Variants in MECOM observed in about 807,000 individuals in gnomAD.
MECOM encodes the protein histone-lysine N-methyltransferase MECOM.
In MECOM, 13 loss-of-function variants were observed where a neutral mutation model predicts 116.3. The ratio of observed to expected loss-of-function variants is 0.11; its 90% confidence interval spans 0.07 to 0.18. The LOEUF (loss-of-function observed/expected upper bound fraction) is 0.18, where lower values mean the gene tolerates loss of function less well. Ranked by LOEUF, MECOM falls within the 10% of genes least tolerant of loss-of-function variation. The pLI is 1.00. For missense variants in MECOM, 1,299 were observed against 1,509.0 expected (o/e 0.86, Z 2.31); for synonymous variants, 528 against 535.2 (o/e 0.99, Z 0.19).
At chr3:169,331,008 T>C (rs1722624136) in intron 2 of MECOM, among the ~76,000 whole-genome samples, 1 of 152,108 alleles carries the variant, frequency 6.6e-6, no homozygotes. Flanking sequence ...ATGATGTTGA[T>C]TATTATGCCA....
chr3:169,398,265 A>G (rs1388321040), intron 1 of MECOM, among the ~76,000 whole-genome samples: 1 of 152,208 alleles, frequency 6.6e-6, no homozygotes, highest in Non-Finnish European at 1.5e-5. Flanking sequence ...CACGAACATT[A>G]GTGCTCTCTC....
At position 169,090,010 on chromosome 3, in the gene MECOM, A is replaced by T; in HGVS notation, c.3391T>A (p.Ser1131Thr). The change falls in exon 15 of 17, where the codon TCC (serine) becomes ACC (threonine). Residue 1131 changes from serine (S) to threonine (T), a missense_variant. By Grantham distance (58) the Ser-to-Thr change is moderately conservative. Transcript: ENST00000651503. ...TSALEMSCKT[S>T]PVRYKEEEYK... The stretch of plus-strand genomic sequence containing the variant: ...ACCCAAGGTACTCACCTCACTGGGG[A>T]TGTCTTGCAACTCATCTCCAGGGCA... 6.2e-7 allele frequency: 1 copy of T among 1,613,148 alleles called. No homozygotes were observed. The highest frequency in any genetic ancestry group is 8.5e-7 in the Non-Finnish European group (1 of 1,179,482).
intron 2 of MECOM, among the ~76,000 whole-genome samples, chr3:169,342,078 G>A (rs942784924): frequency 1.3e-5 from 2 of 151,904 alleles, no homozygotes; most frequent in African/African-American, 2.4e-5. Flanking sequence ...GTATAAGTAT[G>A]TTCTGTATAT....
At chr3:169,228,890 T>A (rs955808683) in intron 2 of MECOM, among the ~76,000 whole-genome samples, 1 of 152,208 alleles carries the variant, frequency 6.6e-6, no homozygotes, top group Admixed American at 6.5e-5. Context: ...AAATCCCAAA[T>A]TGGGCCACTC....
At chr3:169,178,264 G>GAATGTA (rs1745468394) in intron 2 of MECOM, among the ~76,000 whole-genome samples, 1 of 152,210 alleles carries the variant, frequency 6.6e-6, no homozygotes, top group Admixed American at 6.5e-5. Context: ...ATTTGCAGGA[G>GAATGTA]CCAGATGATG....
At chr3:169,437,187 C>A (rs906719773) in intron 1 of MECOM, among the ~76,000 whole-genome samples, 4 of 152,300 alleles carry the variant, frequency 2.6e-5, no homozygotes, top group Admixed American at 2.6e-4. Context: ...AACTAATATT[C>A]TCCACTGTCA....
intron 2 of MECOM, among the ~76,000 whole-genome samples, chr3:169,312,510 A>T (rs1308684869): frequency 2.0e-5 from 3 of 151,774 alleles, no homozygotes. Flanking sequence ...CTGGGACCAC[A>T]GGTGCCCGCC....
chr3:169,299,828 A>T (rs1013825255), intron 2 of MECOM, among the ~76,000 whole-genome samples: 1 of 152,222 alleles, frequency 6.6e-6, no homozygotes, highest in Admixed American at 6.5e-5. Flanking sequence ...CCCCACAAAG[A>T]AATCAAATAT....
At chr3:169,481,765 T>C (rs1296349551) in intron 1 of MECOM, among the ~76,000 whole-genome samples, 3 of 152,124 alleles carry the variant, frequency 2.0e-5, no homozygotes, top group Non-Finnish European at 4.4e-5. Flanking sequence ...AAAAAGAGAA[T>C]GAACATTACT....
chr3:169,349,616 A>G (rs1324514826), intron 2 of MECOM, among the ~76,000 whole-genome samples: 1 of 151,972 alleles, frequency 6.6e-6, no homozygotes, highest in Non-Finnish European at 1.5e-5. Flanking sequence ...AGGTTCAATA[A>G]CCATCAGCTG....
At chr3:169,484,171 A>G (rs187351450) in intron 1 of MECOM, 7 of 638,452 alleles carry the variant, frequency 1.1e-5, no homozygotes, top group African/African-American at 1.1e-4. Flanking sequence ...GCTTTGCCCA[A>G]TCCCATTACT....
At chr3:169,662,646 A>C (rs1358359935) in intron 1 of MECOM, among the ~76,000 whole-genome samples, 7 of 121,544 alleles carry the variant, frequency 5.8e-5, no homozygotes, top group Non-Finnish European at 1.1e-4. Flanking sequence ...CCCGCCGCGC[A>C]GCGCCGCGCC....
At chr3:169,178,909 G>C (rs1303626872) in intron 2 of MECOM, among the ~76,000 whole-genome samples, 1 of 152,144 alleles carries the variant, frequency 6.6e-6, no homozygotes, top group Non-Finnish European at 1.5e-5. Context: ...AGTTTTCACA[G>C]AACATTCAGA....
intron 1 of MECOM, among the ~76,000 whole-genome samples, chr3:169,468,309 A>G (rs1748644776): frequency 6.6e-6 from 1 of 151,632 alleles, no homozygotes; most frequent in Non-Finnish European, 1.5e-5. Flanking sequence ...TATTTTTCTA[A>G]CTCTTCATAC....
At chr3:169,087,870 G>A (rs950629491) in intron 16 of MECOM, among the ~76,000 whole-genome samples, 1 of 152,144 alleles carries the variant, frequency 6.6e-6, no homozygotes, top group African/African-American at 2.4e-5. Context: ...ATGTTCTTAA[G>A]TTCATGGAGG....
chr3:169,206,977 T>C (rs1750017628), intron 2 of MECOM, among the ~76,000 whole-genome samples: 1 of 152,126 alleles, frequency 6.6e-6, no homozygotes, highest in African/African-American at 2.4e-5. Context: ...TTAATAAAAA[T>C]GACTTTAAAA....
intron 13 of MECOM, 129 bp downstream of exon 13, chr3:169,094,947 G>T: frequency 1.3e-6 from 1 of 767,622 alleles, no homozygotes; most frequent in Non-Finnish European, 1.9e-6. Flanking sequence ...AAACTTCCTG[G>T]GAATTTTTAC....
At chr3:169,200,999 C>A (rs533884078) in intron 2 of MECOM, among the ~76,000 whole-genome samples, 1 of 152,254 alleles carries the variant, frequency 6.6e-6, no homozygotes, top group Non-Finnish European at 1.5e-5. Flanking sequence ...ATCTTACTCT[C>A]ATCACTCTGC....
intron 2 of MECOM, among the ~76,000 whole-genome samples, chr3:169,211,287 G>A (rs1443113824): frequency 6.6e-6 from 1 of 151,818 alleles, no homozygotes; most frequent in Non-Finnish European, 1.5e-5. Context: ...CTGAGGCCTT[G>A]GACATGATCT....
Sources: allele counts gnomAD v4.1 joint callset (sites outside exome capture counted in the v4.1 genomes callset), GRCh38; gene constraint gnomAD v4.1.1; transcripts MANE v1.5; gene names NCBI Gene and HGNC (gene_info 2026-07-23, HGNC 2026-07-21).